Variants in MALRD1 observed in about 807,000 individuals in gnomAD.
MALRD1 encodes the protein MAM and LDL receptor class A domain containing 1, also known as MAM and LDL-receptor class A domain-containing protein 1.
MALRD1 carries 247 observed loss-of-function variants against 242.1 expected under a neutral mutation model. The ratio of observed to expected loss-of-function variants is 1.02; its 90% CI spans 0.92 to 1.13. MALRD1 has a LOEUF of 1.13. MALRD1 is among the 50% of genes most tolerant of loss of function. The pLI is 0.00. For synonymous variants in MALRD1, 995 were observed against 866.6 expected, an observed-to-expected ratio of 1.15 and a Z score of -2.60; for missense variants, 2,989 against 2,533.1, an observed-to-expected ratio of 1.18 and a Z score of -3.86.
At chr10:19,176,476 G>C (rs370005391) in intron 14 of MALRD1, among the ~76,000 whole-genome samples, 62 of 143,648 alleles carry the variant, frequency 4.3e-4, no homozygotes, top group Non-Finnish European at 9.1e-5. Context: ...CCGGGTTCAA[G>C]CCATTCTCCT....
At chr10:19,266,489 C>T (rs1839980248) in intron 19 of MALRD1, among the ~76,000 whole-genome samples, 1 of 151,794 alleles carries the variant, frequency 6.6e-6, no homozygotes, top group South Asian at 2.1e-4. Flanking sequence ...ATACAAAAAT[C>T]CTACACGTCT....
chr10:19,359,326 T>C (rs1844786454), intron 26 of MALRD1, among the ~76,000 whole-genome samples: 1 of 152,160 alleles, frequency 6.6e-6, no homozygotes, highest in Non-Finnish European at 1.5e-5. Context: ...TGGAAATACA[T>C]ATTGACATCA....
intron 21 of MALRD1, among the ~76,000 whole-genome samples, chr10:19,308,418 T>C (rs1253919354): frequency 6.6e-6 from 1 of 151,542 alleles, no homozygotes; most frequent in Non-Finnish European, 1.5e-5. Context: ...TACTAGGACC[T>C]TCTTTATATC....
chr10:19,577,464 A>C (rs1396856331), intron 33 of MALRD1, among the ~76,000 whole-genome samples: 2 of 152,120 alleles, frequency 1.3e-5, no homozygotes, highest in African/African-American at 4.8e-5. Flanking sequence ...CCTTTGGAGG[A>C]GTCTGCCTGT....
chr10:19,381,007 C>A (rs1299782383), intron 26 of MALRD1, among the ~76,000 whole-genome samples: 2 of 150,106 alleles, frequency 1.3e-5, no homozygotes, highest in Admixed American at 1.3e-4. Context: ...GGGCTGCACC[C>A]ACTAAATCGT....
upstream of MALRD1, among the ~76,000 whole-genome samples, chr10:19,047,051 A>T (rs1245529005): frequency 1.3e-5 from 2 of 152,082 alleles, no homozygotes; most frequent in Non-Finnish European, 2.9e-5. Flanking sequence ...AATAGATAGG[A>T]GTGGATTTGT....
chr10:19,427,088 A>G (rs942956756), intron 28 of MALRD1, among the ~76,000 whole-genome samples: 4 of 152,164 alleles, frequency 2.6e-5, no homozygotes, highest in African/African-American at 9.7e-5. Context: ...TTTATCGCTT[A>G]GTTTTATATT....
chr10:19,298,322 GC>G (rs1304974043), intron 21 of MALRD1, among the ~76,000 whole-genome samples: 1 of 151,548 alleles, frequency 6.6e-6, no homozygotes, highest in African/African-American at 2.4e-5. Context: ...GATAATCAGC[GC>G]CCATGACCCA....
At chr10:19,436,129 G>C (rs1834343204) in intron 28 of MALRD1, among the ~76,000 whole-genome samples, 1 of 152,080 alleles carries the variant, frequency 6.6e-6, no homozygotes, top group Non-Finnish European at 1.5e-5. Flanking sequence ...GGCTCTTGTA[G>C]ATTGCAAGAC....
chr10:19,693,225 G>A (rs888263521), intron 38 of MALRD1, among the ~76,000 whole-genome samples: 2 of 151,656 alleles, frequency 1.3e-5, no homozygotes, highest in Non-Finnish European at 2.9e-5. Context: ...TTCTGGCCAG[G>A]GCAATCAGGC....
chr10:19,408,221 G>A (rs1019169301), intron 28 of MALRD1, among the ~76,000 whole-genome samples: 1 of 152,140 alleles, frequency 6.6e-6, no homozygotes, highest in African/African-American at 2.4e-5. Context: ...ACCACATGAA[G>A]GAAAACAGGA....
chr10:19,304,724 A>G (rs79385911), intron 21 of MALRD1, among the ~76,000 whole-genome samples: 6,746 of 151,848 alleles, frequency 0.044, 206 homozygotes, highest in South Asian at 0.074. Flanking sequence ...TTTCCATTTC[A>G]AAATAGATTT....
intron 1 of MALRD1, among the ~76,000 whole-genome samples, chr10:19,050,115 T>A (rs1590357637): frequency 7.6e-6 from 1 of 131,292 alleles, no homozygotes; most frequent in Admixed American, 8.7e-5. Context: ...TGAGACGGAG[T>A]CTCGCTCTGT....
intron 14 of MALRD1, among the ~76,000 whole-genome samples, chr10:19,189,832 G>A (rs1020076684): frequency 7.9e-5 from 12 of 152,036 alleles, no homozygotes; most frequent in Non-Finnish European, 1.8e-4. Flanking sequence ...TAAAAGCCAT[G>A]TATGAAAAAC....
chr10:19,276,637 C>G (rs1269977993), intron 19 of MALRD1, among the ~76,000 whole-genome samples: 1 of 152,070 alleles, frequency 6.6e-6, no homozygotes, highest in Admixed American at 6.5e-5. Context: ...CATCAGCATT[C>G]AAAAATGATA....
At chr10:19,519,049 G>C (rs79866639) in intron 31 of MALRD1, among the ~76,000 whole-genome samples, 6,317 of 151,926 alleles carry the variant, frequency 0.042, 252 homozygotes, top group East Asian at 0.11. Context: ...CTCTTTTTCT[G>C]TCTTTTCTTT....
At chr10:19,617,197 C>G (rs1839196217) in intron 36 of MALRD1, among the ~76,000 whole-genome samples, 1 of 151,938 alleles carries the variant, frequency 6.6e-6, no homozygotes, top group Non-Finnish European at 1.5e-5. Flanking sequence ...TGGCAACACT[C>G]TCGTAGTCTT....
chr10:19,705,323 C>A (rs1387952705), intron 38 of MALRD1, among the ~76,000 whole-genome samples: 1 of 152,098 alleles, frequency 6.6e-6, no homozygotes, highest in Non-Finnish European at 1.5e-5. Flanking sequence ...TAGAGTGTCA[C>A]GAGTGAGCAT....
At chr10:19,112,866 T>TC (rs1836728062) in intron 5 of MALRD1, among the ~76,000 whole-genome samples, 1 of 152,168 alleles carries the variant, frequency 6.6e-6, no homozygotes, top group Non-Finnish European at 1.5e-5. Flanking sequence ...CAAAATCTGT[T>TC]CCCTCTCATT....
Sources: allele counts gnomAD v4.1 joint callset (sites outside exome capture counted in the v4.1 genomes callset), GRCh38; gene constraint gnomAD v4.1.1; transcripts MANE v1.5; gene names NCBI Gene and HGNC (gene_info 2026-07-23, HGNC 2026-07-21).